MEIKIN: variants seen among roughly 807,000 people sequenced by gnomAD.
The protein encoded by MEIKIN is meiotic kinetochore factor, also known as meiosis-specific kinetochore protein.
At chr5:131,833,487 G>A (rs1749747594) in intron 11 of MEIKIN, among the ~76,000 whole-genome samples, 1 of 152,162 alleles carries the variant, frequency 6.6e-6, no homozygotes, top group Non-Finnish European at 1.5e-5. Flanking sequence ...TCCAACTTCT[G>A]CCTGATACCC....
At chr5:131,914,487 GAA>G (rs1408777374) in intron 7 of MEIKIN, among the ~76,000 whole-genome samples, 2 of 132,508 alleles carry the variant, frequency 1.5e-5, no homozygotes, top group Non-Finnish European at 3.1e-5. Flanking sequence ...GAAAGAGAGA[GAA>G]AGAGGAGAAA....
chr5:131,890,593 T>A (rs1460941092), intron 8 of MEIKIN, among the ~76,000 whole-genome samples: 1 of 152,238 alleles, frequency 6.6e-6, no homozygotes, highest in Non-Finnish European at 1.5e-5. Context: ...TGCGTCTATT[T>A]GATTCTTCTC....
intron 5 of MEIKIN, among the ~76,000 whole-genome samples, chr5:131,929,803 T>C (rs766838440): frequency 3.0e-4 from 46 of 152,334 alleles, no homozygotes; most frequent in African/African-American, 3.6e-4. Context: ...TGTTCCTGCA[T>C]TAATTTGCTT....
At chr5:131,826,426 G>A (rs1335341568) in intron 11 of MEIKIN, among the ~76,000 whole-genome samples, 2 of 152,158 alleles carry the variant, frequency 1.3e-5, no homozygotes, top group African/African-American at 2.4e-5. Flanking sequence ...TAAGTTGGGA[G>A]TGGACGATTG....
intron 12 of MEIKIN, among the ~76,000 whole-genome samples, chr5:131,809,776 A>G (rs1243496669): frequency 1.3e-5 from 2 of 151,878 alleles, no homozygotes; most frequent in Non-Finnish European, 2.9e-5. Flanking sequence ...CCAGCCTGGC[A>G]ACAGAGTGAG....
At chr5:131,945,063 G>A in intron 2 of MEIKIN, 93 bp downstream of exon 2, 1 of 398,764 alleles carries the variant, frequency 2.5e-6, no homozygotes, top group Admixed American at 4.4e-5. Flanking sequence ...TTTGCTCCTT[G>A]ACTGTTAGAA....
At position 131,889,556 on chromosome 5, in the gene MEIKIN, A is replaced by G. The variant is rs550057143; in HGVS notation, c.704-10508T>C. 2.7e-3 allele frequency among the ~76,000 whole-genome samples: 413 copies of G among 152,204 alleles called. 1 individual carries two copies. The highest frequency in any genetic ancestry group is 7.5e-3 in the African/African-American group (313 of 41,548). On this transcript the variant is annotated intron_variant, in intron 8 of 12. Transcript: ENST00000442687. ...AGAATGCTTGTGATTTTTGCACATT[A>G]ATTTTGTATCTTGAGACTTTGCTGA...
intron 8 of MEIKIN, among the ~76,000 whole-genome samples, chr5:131,882,253 T>C (rs528100804): frequency 3.9e-5 from 6 of 152,196 alleles, no homozygotes; most frequent in African/African-American, 1.4e-4. Flanking sequence ...ATTCTCCACA[T>C]AACAGCCAAA....
rs147181911 is a variant in MEIKIN at position 131,920,173 on chromosome 5, G to T, written c.598+1649C>A. ...GAAACTACTCTATACATATATACTA[G>T]AAATAAATAAATAAATGAACGAATG... is the stretch of plus-strand genomic sequence containing the variant. On this transcript the variant is annotated intron_variant, in intron 6 of 12. Transcript: ENST00000442687. Among the ~76,000 whole-genome samples the T allele has an allele frequency of 4.8e-3, 726 of 152,146 alleles. 5 individuals are homozygous for T. Among genetic ancestry groups the T allele is most frequent in the African/African-American group, 0.017 (690 of 41,536 alleles).
At chr5:131,908,715 A>AAAT (rs1274500695) in intron 8 of MEIKIN, among the ~76,000 whole-genome samples, 2 of 152,204 alleles carry the variant, frequency 1.3e-5, no homozygotes, top group Admixed American at 1.3e-4. Flanking sequence ...TAGAACTGAT[A>AAAT]AATAAATTAG....
chr5:131,941,848 A>G (rs1751874479), intron 4 of MEIKIN, among the ~76,000 whole-genome samples: 1 of 152,200 alleles, frequency 6.6e-6, no homozygotes, highest in Non-Finnish European at 1.5e-5. Flanking sequence ...AGCCAGAAAC[A>G]GTAGTCATCT....
chr5:131,855,878 A>G (rs562956347), intron 9 of MEIKIN, among the ~76,000 whole-genome samples: 1 of 152,336 alleles, frequency 6.6e-6, no homozygotes, highest in East Asian at 1.9e-4. Flanking sequence ...GTGATAGTCA[A>G]ACAGACAGAG....
intron 7 of MEIKIN, among the ~76,000 whole-genome samples, chr5:131,916,484 G>C (rs1437706553): frequency 6.6e-6 from 1 of 152,182 alleles, no homozygotes; most frequent in Non-Finnish European, 1.5e-5. Context: ...CCACTTCAAA[G>C]TGCTGTCGGT....
At chr5:131,815,311 A>G (rs1773082116) in intron 12 of MEIKIN, among the ~76,000 whole-genome samples, 1 of 152,210 alleles carries the variant, frequency 6.6e-6, no homozygotes, top group South Asian at 2.1e-4. Context: ...AATAACTTGC[A>G]GGGAGGGCAG....
chr5:131,839,129 C>T (rs908038821), intron 11 of MEIKIN, among the ~76,000 whole-genome samples: 2 of 152,154 alleles, frequency 1.3e-5, no homozygotes, highest in African/African-American at 4.8e-5. Context: ...CATTCAGGAA[C>T]AGGTTATTCA....
At chr5:131,900,563 A>C (rs1751139880) in intron 8 of MEIKIN, among the ~76,000 whole-genome samples, 1 of 151,930 alleles carries the variant, frequency 6.6e-6, no homozygotes, top group Non-Finnish European at 1.5e-5. Flanking sequence ...TGTGCAGTGG[A>C]GCATAGCCAA....
intron 11 of MEIKIN, among the ~76,000 whole-genome samples, chr5:131,850,228 G>T (rs945788082): frequency 2.6e-5 from 4 of 152,188 alleles, no homozygotes; most frequent in African/African-American, 9.6e-5. Flanking sequence ...TGGATTGGAA[G>T]ATGCAATACT....
intron 8 of MEIKIN, among the ~76,000 whole-genome samples, chr5:131,891,906 T>G (rs75432608): frequency 6.6e-6 from 1 of 152,108 alleles, no homozygotes; most frequent in South Asian, 2.1e-4. Flanking sequence ...TTTAGGGCAG[T>G]CCTGGTGGTG....
chr5:131,868,867 G>A (rs1165883225), intron 9 of MEIKIN, among the ~76,000 whole-genome samples: 1 of 152,120 alleles, frequency 6.6e-6, no homozygotes, highest in Non-Finnish European at 1.5e-5. Flanking sequence ...CTTTGTCTAT[G>A]TTGGTTTACA....
Sources: allele counts gnomAD v4.1 joint callset (sites outside exome capture counted in the v4.1 genomes callset), GRCh38; gene constraint gnomAD v4.1.1; transcripts MANE v1.5; gene names NCBI Gene and HGNC (gene_info 2026-07-23, HGNC 2026-07-21).